The following CCDC40 variants were observed in gnomAD, a reference collection of about 807,000 sequenced individuals.
The protein encoded by CCDC40 is coiled-coil domain 40 molecular ruler complex subunit.
In CCDC40, 104 loss-of-function variants were observed where a neutral mutation model predicts 124.5. The observed-to-expected ratio is 0.84, with a 90% CI of 0.71 to 0.98. The LOEUF is 0.98. CCDC40 is among the 50% of genes least tolerant of loss of function. The pLI, the probability that CCDC40 is intolerant of heterozygous loss-of-function variation, is 0.00. For synonymous variants in CCDC40, 580 were observed against 602.9 expected (o/e 0.96, Z 0.56); for missense variants, 1,463 against 1,503.9 (o/e 0.97, Z 0.45).
intron 3 of CCDC40, 88 bp from the exon 4 acceptor site, chr17:80,047,191 A>G (rs912681269): frequency 2.1e-6 from 3 of 1,436,804 alleles, no homozygotes; most frequent in Non-Finnish European, 2.9e-6. Context: ...GAGTCTGACA[A>G]CTTTCACAAA....
intron 19 of CCDC40, among the ~76,000 whole-genome samples, chr17:80,098,106 C>G (rs2038844621): frequency 6.6e-6 from 1 of 152,132 alleles, no homozygotes. Flanking sequence ...GAGTCCAGAC[C>G]TGAAGGAGGG....
In CCDC40 at chr17:80,066,069, G is replaced by A. The variant is rs375607830; in HGVS notation, c.1562+463G>A. The A allele has an allele frequency of 1.3e-4, 92 of 702,706 alleles. No homozygotes were observed. The highest frequency in any genetic ancestry group is 1.2e-3 in the East Asian group (46 of 37,280). The allele number at this position is 702,706 out of a possible 1,614,324, so 43.5% of individuals were successfully genotyped here. On this transcript the variant is annotated intron_variant, in intron 10 of 19. Transcript: ENST00000397545. The surrounding 1 kb of genome is among the most constrained non-coding windows in gnomAD (Gnocchi z 4.4). ...TCCCCTCACTTCTGGGGATGGATGC[G>A]TGGCTCAGGGCAGGGCGTTGGAGAC... is the stretch of plus-strand genomic sequence containing the variant.
In CCDC40 at chr17:80,082,018, A is replaced by G. The variant is rs201064110; in HGVS notation, c.1949A>G (p.Asn650Ser). Residue 650 changes from asparagine (N) to serine (S), a missense_variant, in exon 12 of 20, where the codon AAC (asparagine) becomes AGC (serine). Physicochemically the swap from Asn to Ser is conservative, Grantham distance 46. Coordinates refer to ENST00000397545, the MANE Select transcript of CCDC40 (RefSeq NM_017950.4). Reference protein sequence around the residue: ...MTSNKTTKYFNQLILRLQKEK... With the variant: ...MTSNKTTKYFSQLILRLQKEK... ...TCCAACAAGACCACCAAATACTTCAACCAGCTCATCCTGAGGCTGCAGAAG... is the reference window on the plus strand; with the variant it reads ...TCCAACAAGACCACCAAATACTTCAGCCAGCTCATCCTGAGGCTGCAGAAG... The G allele has an allele frequency of 5.3e-5, 85 of 1,613,236 alleles. No individual in the cohort carries two copies. Among genetic ancestry groups the G allele is most frequent in the African/African-American group, 4.0e-4 (30 of 74,760 alleles).
Position 80,095,401 on chromosome 17 carries a change from T to C in CCDC40, c.2971T>C (p.Phe991Leu). The C allele has an allele frequency of 6.2e-7, 1 of 1,614,120 alleles. No homozygotes were observed. Among genetic ancestry groups the C allele is most frequent in the Non-Finnish European group, 8.5e-7 (1 of 1,180,040 alleles). ...CAGGAAGGCGCTCACCCGCACCGAC[T>C]TCCACCACAAGCAGCTTGAGCTGCG... Reference protein sequence around the residue: ...MDRKALTRTDFHHKQLELRRK... With the variant: ...MDRKALTRTDLHHKQLELRRK... Residue 991 changes from phenylalanine to leucine, a missense_variant, in exon 18 of 20, where the codon TTC becomes CTC. Coordinates refer to ENST00000397545, the MANE Select transcript of CCDC40 (RefSeq NM_017950.4).
chr17:80,059,537 C>T (rs138944866), intron 9 of CCDC40, among the ~76,000 whole-genome samples: 120 of 147,884 alleles, frequency 8.1e-4, no homozygotes, highest in African/African-American at 2.8e-3. Context: ...TTCACGGGTG[C>T]GGGAATGACA....
Position 80,041,457 on chromosome 17 carries a change from G to A in CCDC40, c.552+1187G>A, listed in dbSNP as rs374580355. 4.5e-4 allele frequency among the ~76,000 whole-genome samples: 68 copies of A among 151,364 alleles called. 1 individual carries two copies. Among genetic ancestry groups the A allele is most frequent in the African/African-American group, 1.4e-3 (58 of 41,154 alleles). The stretch of plus-strand genomic sequence containing the variant: ...GGAGAGGCAGGGGTTGCCGTCAGCC[G>A]AGATCGCACCCCTGTACTCCTGCAT... On this transcript the variant is annotated intron_variant, in intron 3 of 19. Coordinates refer to ENST00000397545, the MANE Select transcript of CCDC40 (RefSeq NM_017950.4).
intron 13 of CCDC40, 54 bp downstream of exon 13, chr17:80,085,042 G>T: frequency 6.2e-7 from 1 of 1,602,316 alleles, no homozygotes; most frequent in Non-Finnish European, 8.5e-7. Context: ...TGCCTGGTGG[G>T]GCAGAGCCCC....
chr17:80,059,983 T>G (rs1406074180), intron 9 of CCDC40, among the ~76,000 whole-genome samples: 1 of 152,188 alleles, frequency 6.6e-6, no homozygotes, highest in African/African-American at 2.4e-5. Context: ...GCAATTAAAG[T>G]AGAGCACGTC....
chr17:80,059,881 C>G (rs1334688317), intron 9 of CCDC40, among the ~76,000 whole-genome samples: 2 of 152,092 alleles, frequency 1.3e-5, no homozygotes, highest in Non-Finnish European at 2.9e-5. Flanking sequence ...AGGAAGAGGA[C>G]TTGAAGGAAC....
chr17:80,077,608 C>T (rs2038340563), intron 10 of CCDC40, among the ~76,000 whole-genome samples: 1 of 152,216 alleles, frequency 6.6e-6, no homozygotes, highest in Admixed American at 6.5e-5. Flanking sequence ...TATGAGAGTC[C>T]CAGTTGTTCC....
intron 10 of CCDC40, among the ~76,000 whole-genome samples, chr17:80,077,738 A>G (rs1001697322): frequency 3.9e-5 from 6 of 152,172 alleles, no homozygotes. Flanking sequence ...ATGACTAGCG[A>G]TGGTGAGCAT....
intron 10 of CCDC40, among the ~76,000 whole-genome samples, chr17:80,076,161 G>T (rs1167057403): frequency 6.6e-6 from 1 of 152,212 alleles, no homozygotes; most frequent in Non-Finnish European, 1.5e-5. Flanking sequence ...TTGCAAGAAG[G>T]TCTTGCGTGG....
intron 17 of CCDC40, chr17:80,090,108 C>A (rs147143298): frequency 7.2e-6 from 11 of 1,536,458 alleles, no homozygotes; most frequent in Non-Finnish European, 9.6e-6. Context: ...CTTGACCCAG[C>A]TTTTACCACA....
intron 10 of CCDC40, among the ~76,000 whole-genome samples, chr17:80,074,931 T>G (rs187020303): frequency 6.6e-6 from 1 of 152,146 alleles, no homozygotes; most frequent in Admixed American, 6.6e-5. Context: ...ATATTACTCT[T>G]GGTTTTTTTG....
At chr17:80,077,337 A>G (rs373012546) in intron 10 of CCDC40, among the ~76,000 whole-genome samples, 8 of 152,136 alleles carry the variant, frequency 5.3e-5, no homozygotes, top group East Asian at 3.9e-4. Context: ...CCTGGGCAGC[A>G]TGGCAAAACC....
intron 10 of CCDC40, among the ~76,000 whole-genome samples, chr17:80,071,376 G>A (rs1300442280): frequency 6.6e-6 from 1 of 152,192 alleles, no homozygotes; most frequent in Non-Finnish European, 1.5e-5. Context: ...GGCCACGGCA[G>A]CCAGGCAGGC....
chr17:80,065,701 T>C, intron 10 of CCDC40, 95 bp downstream of exon 10: 1 of 1,530,252 alleles, frequency 6.5e-7, no homozygotes, highest in African/African-American at 1.4e-5. Context: ...CCACCGGATC[T>C]CTGGGACAGA....
chr17:80,040,476 CG>C, intron 3 of CCDC40: 1 of 586,412 alleles, frequency 1.7e-6, no homozygotes. Context: ...GTCAGGAGTT[CG>C]AGACCAGCCT....
chr17:80,090,252 A>G lies in CCDC40; in HGVS notation c.2832+368A>G, dbSNP rs1278989450. On this transcript the variant is annotated intron_variant, in intron 17 of 19. Transcript: ENST00000397545. The stretch of plus-strand genomic sequence containing the variant: ...GCGCGCAGGCACGTGCACGAACAAC[A>G]CGGGACGCGCGCGGGCACGTGCACG... The G allele has an allele frequency of 2.2e-5, 19 of 848,304 alleles. No individual in the cohort carries two copies. In the South Asian group the frequency reaches 2.6e-4, roughly 11 times the overall value. 52.5% of individuals were successfully genotyped at this position (848,304 alleles called of 1,614,324 possible).
Sources: allele counts gnomAD v4.1 joint callset (sites outside exome capture counted in the v4.1 genomes callset), GRCh38; gene constraint gnomAD v4.1.1; non-coding constraint Gnocchi (gnomAD v3.1); transcripts MANE v1.5; gene names NCBI Gene and HGNC (gene_info 2026-07-23, HGNC 2026-07-21).